SHROOM4: variants seen among roughly 807,000 people sequenced by gnomAD.
The protein encoded by SHROOM4 is protein Shroom4.
Under a neutral mutation model 80.3 loss-of-function variants are expected in SHROOM4, and 17 were observed. The ratio of observed to expected loss-of-function variants is 0.21; its 90% CI spans 0.14 to 0.32. The LOEUF is 0.32. SHROOM4 is among the 10% of genes least tolerant of loss of function. SHROOM4 has a pLI of 1.00. For synonymous variants in SHROOM4, 400 were observed against 437.5 expected (o/e 0.91, Z 1.07); for missense variants, 993 against 1,140.3 (o/e 0.87, Z 1.86).
intron 1 of SHROOM4, among the ~76,000 whole-genome samples, chrX:50,734,570 C>T (rs1934440316): frequency 9.0e-6 from 1 of 110,820 alleles, no homozygotes; most frequent in Non-Finnish European, 1.9e-5. Context: ...CCCACCACCA[C>T]GCCTGGCTAA....
At chrX:50,723,393 G>GGA (rs782457909) in intron 1 of SHROOM4, among the ~76,000 whole-genome samples, 698 of 54,290 alleles carry the variant, frequency 0.013, 12 homozygotes, top group African/African-American at 0.037. Context: ...AGCAAGGGAG[G>GGA]GAGAGAGAGA....
At chrX:50,627,804 T>G in intron 4 of SHROOM4, 129 bp from the exon 5 acceptor site, 1 of 548,530 alleles carries the variant, frequency 1.8e-6, no homozygotes, top group East Asian at 3.6e-5. Flanking sequence ...TACTCTGCTA[T>G]GCAGGCTGAG....
At chrX:50,621,087 A>T (rs1280076034) in intron 5 of SHROOM4, among the ~76,000 whole-genome samples, 8 of 112,096 alleles carry the variant, frequency 7.1e-5, no homozygotes, top group African/African-American at 2.6e-4. Context: ...CCACACCTGG[A>T]ATAAATATGC....
intron 1 of SHROOM4, among the ~76,000 whole-genome samples, chrX:50,708,572 G>A: frequency 8.9e-6 from 1 of 111,984 alleles, no homozygotes; most frequent in Non-Finnish European, 1.9e-5. Context: ...TCCATGTACG[G>A]TCCACTTTAA....
At chrX:50,729,746 A>G (rs1934325177) in intron 1 of SHROOM4, among the ~76,000 whole-genome samples, 3 of 111,626 alleles carry the variant, frequency 2.7e-5, no homozygotes, top group Admixed American at 9.5e-5. Context: ...ATCAAGCAAA[A>G]CACTACTAAT....
At position 50,607,447 on chromosome X, in the gene SHROOM4, G is replaced by A; in HGVS notation, c.3695C>T (p.Pro1232Leu). 7 of 1,211,566 alleles carry A rather than the reference G, an allele frequency of 5.8e-6. No homozygotes were observed. Among genetic ancestry groups the A allele is most frequent in the Non-Finnish European group, 6.7e-6 (6 of 895,444 alleles). ...HLGSQPEQAQ[P>L]PCYYGIGGLW... ...CCCACCAATGCCATAGTAGCAAGGGGGCTGAGCCTGCTCAGGTTGAGATCC... is the reference window on the plus strand; with the variant it reads ...CCCACCAATGCCATAGTAGCAAGGGAGCTGAGCCTGCTCAGGTTGAGATCC... The change falls in exon 6 of 9, where the codon CCC (proline) becomes CTC (leucine). Residue 1232 changes from proline to leucine, a missense_variant. Physicochemically the swap from Pro to Leu is moderately conservative, Grantham distance 98. Transcript: ENST00000376020.
chrX:50,604,033 T>A lies in SHROOM4; in HGVS notation c.3762-1220A>T, dbSNP rs781918162. Among the ~76,000 whole-genome samples, 70 of 111,990 alleles carry A rather than the reference T, an allele frequency of 6.3e-4. 2 individuals are homozygous for A. Among genetic ancestry groups the A allele is most frequent in the Middle Eastern group, 4.6e-3 (1 of 217 alleles). On this transcript the variant is annotated intron_variant, in intron 6 of 8. Transcript: ENST00000376020. ...ACTCATTAGTCATTTTTGCAGCTAT[T>A]TGCAGTTCTTAAAGGTCAAAAATAA...
chrX:50,685,207 G>C (rs1309571516), intron 2 of SHROOM4, among the ~76,000 whole-genome samples: 1 of 112,102 alleles, frequency 8.9e-6, no homozygotes, highest in Non-Finnish European at 1.9e-5. Context: ...AGGGAGCTCA[G>C]AAAGGACTTG....
chrX:50,675,868 T>C (rs1241786083), intron 2 of SHROOM4, among the ~76,000 whole-genome samples: 1 of 111,688 alleles, frequency 9.0e-6, no homozygotes, highest in Non-Finnish European at 1.9e-5. Context: ...TAGAGAACTC[T>C]GGCTTGAATA....
rs184919917 is a variant in SHROOM4, at chrX:50,755,944, T to A, written c.117+57958A>T. Reference sequence around the variant, plus strand: ...AATGTTTTGGTGGAGATGTTCTTTATAAAATTATCAAAATTTTTATCTTCT... The same window carrying A: ...AATGTTTTGGTGGAGATGTTCTTTAAAAAATTATCAAAATTTTTATCTTCT... On this transcript the variant is annotated intron_variant, in intron 1 of 8. Transcript: ENST00000376020. Among the ~76,000 whole-genome samples, 686 of 112,038 alleles carry A rather than the reference T, an allele frequency of 6.1e-3. 8 individuals carry two copies. The highest frequency in any genetic ancestry group is 0.021 in the African/African-American group (646 of 30,842).
chrX:50,622,430 G>C (rs1019955063), intron 5 of SHROOM4, among the ~76,000 whole-genome samples: 1 of 112,151 alleles, frequency 8.9e-6, no homozygotes, highest in African/African-American at 3.2e-5. Context: ...ATATATCACA[G>C]TAATGTAGCT....
chrX:50,787,468 A>T (rs1557271167), intron 1 of SHROOM4, among the ~76,000 whole-genome samples: 1 of 111,122 alleles, frequency 9.0e-6, no homozygotes, highest in Non-Finnish European at 1.9e-5. Flanking sequence ...AAGGAGAGTA[A>T]AAAGAGAAAG....
chrX:50,635,428 G>C lies in SHROOM4; in HGVS notation c.645C>G (p.Asp215Glu). 1 of 1,207,034 alleles carries C rather than the reference G, an allele frequency of 8.3e-7. No individual in the cohort carries two copies. Among genetic ancestry groups the C allele is most frequent in the Non-Finnish European group, 1.1e-6 (1 of 892,917 alleles). ...SLRPEEPASTDCIMQGPGPTK... is the reference protein window; with the variant it reads ...SLRPEEPASTECIMQGPGPTK... ...TTGGCCCTGGGCCTTGCATGATGCA[G>C]TCTGTAGAGGCTGGCTCCTCTGGCC... is the stretch of plus-strand genomic sequence containing the variant. The change falls in exon 4 of 9, where the codon GAC becomes GAG. Residue 215 changes from aspartate (D) to glutamate (E), a missense_variant. Transcript: ENST00000376020.
At chrX:50,810,133 G>A (rs782684833) in intron 1 of SHROOM4, among the ~76,000 whole-genome samples, 65 of 110,729 alleles carry the variant, frequency 5.9e-4, no homozygotes, top group Admixed American at 2.2e-3. Context: ...GCAAGACACC[G>A]CATCCAGCAA....
rs1003144195 is a variant in SHROOM4, at chrX:50,634,364, C to T, written c.1709G>A (p.Arg570Gln). ...CGAGCGGCCCCGGGTCCCTCCACTT[C>T]GCCTACCACCCATCCGGCTGCACTC... is the stretch of plus-strand genomic sequence containing the variant. ...PKECSRMGGR[R>Q]SGGTRGRSIQ... is the part of the protein sequence containing the mutation. Residue 570 changes from arginine to glutamine, a missense_variant, in exon 4 of 9, where the codon CGA becomes CAA. Physicochemically the swap from Arg to Gln is conservative, Grantham distance 43. Transcript: ENST00000376020. 3.3e-6 allele frequency: 4 copies of T among 1,208,891 alleles called. No individual in the cohort carries two copies. Among genetic ancestry groups the T allele is most frequent in the Admixed American group, 2.2e-5 (1 of 45,658 alleles).
chrX:50,617,908 TG>T (rs1239626367), intron 5 of SHROOM4, among the ~76,000 whole-genome samples: 1 of 111,539 alleles, frequency 9.0e-6, no homozygotes, highest in Non-Finnish European at 1.9e-5. Context: ...CTACCCTTAA[TG>T]GGATCATCTG....
chrX:50,627,285 C>T (rs1930840095), intron 5 of SHROOM4, among the ~76,000 whole-genome samples: 1 of 111,532 alleles, frequency 9.0e-6, no homozygotes, highest in African/African-American at 3.3e-5. Flanking sequence ...TGACAAGTAC[C>T]TCTTGAGCAA....
intron 2 of SHROOM4, among the ~76,000 whole-genome samples, chrX:50,650,809 T>C (rs1479376033): frequency 8.9e-6 from 1 of 112,572 alleles, no homozygotes; most frequent in South Asian, 3.6e-4. Context: ...AAGATCTAGA[T>C]TTTTCCCTCA....
At chrX:50,690,743 G>T (rs2147442585) in intron 2 of SHROOM4, among the ~76,000 whole-genome samples, 1 of 112,680 alleles carries the variant, frequency 8.9e-6, no homozygotes, top group East Asian at 2.8e-4. Flanking sequence ...AAGGCGGGCA[G>T]ATCACTTGAG....
Sources: gnomAD v4.1 joint callset for allele counts (sites outside exome capture counted in the v4.1 genomes callset) on GRCh38, gnomAD v4.1.1 for gene constraint, MANE v1.5 for transcripts, NCBI Gene and HGNC (gene_info 2026-07-23, HGNC 2026-07-21) for gene names.